Variants in GTF2IRD1 observed in about 807,000 individuals in gnomAD.
GTF2IRD1 encodes the protein general transcription factor II-I repeat domain-containing protein 1.
Under a neutral mutation model 113.2 loss-of-function variants are expected in GTF2IRD1, and 26 were observed. The ratio of observed to expected loss-of-function variants is 0.23; its 90% CI spans 0.17 to 0.32. The LOEUF is 0.32. Ranked by LOEUF, GTF2IRD1 falls within the 10% of genes least tolerant of loss-of-function variation. The pLI is 1.00. For missense variants in GTF2IRD1, 864 were observed against 1,280.8 expected (o/e 0.67, Z 4.97); for synonymous variants, 484 against 529.1 (o/e 0.91, Z 1.17).
At chr7:74,563,120 G>A (rs1184644119) in intron 22 of GTF2IRD1, among the ~76,000 whole-genome samples, 1 of 151,934 alleles carries the variant, frequency 6.6e-6, no homozygotes, top group African/African-American at 2.4e-5. Context: ...ACCGCAGAGA[G>A]ACTGAGCATG....
rs531636706 is a variant in GTF2IRD1 at position 74,493,424 on chromosome 7, A to C, written c.-6-14651A>C. Among the ~76,000 whole-genome samples, 6 of 152,104 alleles carry C rather than the reference A, an allele frequency of 3.9e-5. No homozygotes were observed. In the South Asian group the frequency reaches 1.2e-3, roughly 32 times the overall value. ...CCGCGCCCGGCCATGACCTCTTCTT[A>C]TAAGGATGCATGTGATGGCATTTAG... On this transcript the variant is annotated intron_variant, in intron 1 of 26. Coordinates refer to ENST00000424337, the MANE Select transcript of GTF2IRD1 (RefSeq NM_005685.4).
intron 22 of GTF2IRD1, among the ~76,000 whole-genome samples, chr7:74,563,291 G>A (rs782466706): frequency 1.7e-4 from 26 of 152,060 alleles, no homozygotes; most frequent in Admixed American, 9.2e-4. Flanking sequence ...GTTAAGAATG[G>A]CTCTAGGGCC....
Position 74,552,900 on chromosome 7 carries a change from C to T in GTF2IRD1, c.1917-2274C>T, listed in dbSNP as rs144753695. Among the ~76,000 whole-genome samples, 962 of 152,280 alleles carry T rather than the reference C, an allele frequency of 6.3e-3. 15 individuals are homozygous for T. The highest frequency in any genetic ancestry group is 0.021 in the African/African-American group (882 of 41,554). ...TTGCCCAGGCTGGAGTGCAGTGGCA[C>T]CATCTCAGCTTACTGCAACCTCCGC... On this transcript the variant is annotated intron_variant, in intron 17 of 26. Transcript: ENST00000424337.
intron 6 of GTF2IRD1, among the ~76,000 whole-genome samples, chr7:74,520,595 A>G (rs1005973054): frequency 6.6e-6 from 1 of 151,840 alleles, no homozygotes; most frequent in Non-Finnish European, 1.5e-5. Flanking sequence ...GTCTTTTTGG[A>G]TAACTCTGCC....
intron 22 of GTF2IRD1, among the ~76,000 whole-genome samples, chr7:74,566,832 G>T (rs587704652): frequency 6.6e-6 from 1 of 152,214 alleles, no homozygotes; most frequent in South Asian, 2.1e-4. Context: ...CCCAGGGCAG[G>T]CTCTACCACT....
At chr7:74,576,291 T>C (rs1369998441) in intron 22 of GTF2IRD1, among the ~76,000 whole-genome samples, 4 of 152,018 alleles carry the variant, frequency 2.6e-5, no homozygotes, top group Non-Finnish European at 5.9e-5. Context: ...CCAGGTGCAG[T>C]GGCTCACGAC....
chr7:74,569,624 A>C (rs1311616702), intron 22 of GTF2IRD1, among the ~76,000 whole-genome samples: 1 of 152,196 alleles, frequency 6.6e-6, no homozygotes, highest in Non-Finnish European at 1.5e-5. Context: ...TCAGGTTACC[A>C]TGGTAACCAT....
intron 1 of GTF2IRD1, among the ~76,000 whole-genome samples, chr7:74,485,901 C>G (rs566142882): frequency 1.3e-5 from 2 of 151,458 alleles, no homozygotes; most frequent in African/African-American, 4.9e-5. Context: ...ACTCCAGCCT[C>G]GGTGACAGAG....
intron 2 of GTF2IRD1, among the ~76,000 whole-genome samples, chr7:74,511,167 C>T (rs782664452): frequency 2.6e-5 from 4 of 152,116 alleles, no homozygotes; most frequent in South Asian, 2.1e-4. Flanking sequence ...CAGGCTCCCC[C>T]GTCCCTGGGC....
chr7:74,532,452 G>A (rs1554349123), intron 9 of GTF2IRD1, among the ~76,000 whole-genome samples: 1 of 152,190 alleles, frequency 6.6e-6, no homozygotes, highest in African/African-American at 2.4e-5. Flanking sequence ...TACTGAGGAG[G>A]CTGACGGAGG....
intron 1 of GTF2IRD1, among the ~76,000 whole-genome samples, chr7:74,470,036 T>C (rs1793984942): frequency 6.7e-6 from 1 of 149,578 alleles, no homozygotes; most frequent in Non-Finnish European, 1.5e-5. Context: ...CAGGCTCTGT[T>C]GGCCAGGCTG....
intron 22 of GTF2IRD1, among the ~76,000 whole-genome samples, chr7:74,561,042 AG>A (rs1554358903): frequency 1.3e-5 from 2 of 151,982 alleles, no homozygotes; most frequent in Admixed American, 6.6e-5. Context: ...GCAAGCACTA[AG>A]GGCTGGCCAG....
chr7:74,554,781 G>C (rs1295964794), intron 17 of GTF2IRD1, among the ~76,000 whole-genome samples: 3 of 152,104 alleles, frequency 2.0e-5, no homozygotes, highest in Admixed American at 2.0e-4. Context: ...CAAGTGATCT[G>C]CCCTCCTCGG....
chr7:74,467,299 A>G (rs953440440), intron 1 of GTF2IRD1, among the ~76,000 whole-genome samples: 6 of 151,926 alleles, frequency 3.9e-5, no homozygotes. Flanking sequence ...TACCCATCCC[A>G]GGAGCTGCTT....
intron 4 of GTF2IRD1, among the ~76,000 whole-genome samples, chr7:74,515,993 C>T (rs1796907303): frequency 6.6e-6 from 1 of 152,224 alleles, no homozygotes; most frequent in Non-Finnish European, 1.5e-5. Flanking sequence ...CTCCCCATCA[C>T]CCTGAGCATG....
Position 74,559,614 on chromosome 7 carries a change from G to C in GTF2IRD1, c.2292-13G>C. 6.3e-7 allele frequency: 1 copy of C among 1,588,722 alleles called. No individual in the cohort carries two copies. Among genetic ancestry groups the C allele is most frequent in the Non-Finnish European group, 8.6e-7 (1 of 1,167,836 alleles). On this transcript the variant is annotated splice_polypyrimidine_tract_variant and intron_variant, in intron 21 of 26. Transcript: ENST00000424337. Reference sequence around the variant, plus strand: ...CCCTCCCCATGACACCCCTGCCTCTGTTTCTCTTCTAGGCCTTTCCAAGGA... The same window carrying C: ...CCCTCCCCATGACACCCCTGCCTCTCTTTCTCTTCTAGGCCTTTCCAAGGA...
At chr7:74,527,989 G>A (rs1442492581) in intron 8 of GTF2IRD1, among the ~76,000 whole-genome samples, 8 of 152,204 alleles carry the variant, frequency 5.3e-5, no homozygotes, top group Non-Finnish European at 8.8e-5. Context: ...TGGCAGAGCC[G>A]TCAGCTTCTG....
chr7:74,511,830 T>C (rs1203008816), intron 2 of GTF2IRD1, among the ~76,000 whole-genome samples: 1 of 152,194 alleles, frequency 6.6e-6, no homozygotes, highest in South Asian at 2.1e-4. Flanking sequence ...CCTGGTGGGG[T>C]AGGTCAGAGA....
At chr7:74,484,326 G>T (rs1434181398) in intron 1 of GTF2IRD1, among the ~76,000 whole-genome samples, 1 of 152,106 alleles carries the variant, frequency 6.6e-6, no homozygotes, top group Non-Finnish European at 1.5e-5. Context: ...CTGTCACCCA[G>T]GCTGGAGTGC....
Sources: gnomAD v4.1 joint callset for allele counts (sites outside exome capture counted in the v4.1 genomes callset) on GRCh38, gnomAD v4.1.1 for gene constraint, MANE v1.5 for transcripts, NCBI Gene and HGNC (gene_info 2026-07-23, HGNC 2026-07-21) for gene names.